FBN1: variants seen among roughly 807,000 people sequenced by gnomAD.
FBN1 encodes the protein fibrillin 1.
In FBN1, 29 loss-of-function variants were observed where a neutral mutation model predicts 365.1. The ratio of observed to expected loss-of-function variants is 0.08; its 90% CI spans 0.06 to 0.11. The LOEUF is 0.11. Ranked by LOEUF, FBN1 falls within the 10% of genes least tolerant of loss-of-function variation. FBN1 has a pLI of 1.00. For synonymous variants in FBN1, 1,210 were observed against 1,270.5 expected (o/e 0.95, Z 1.01); for missense variants, 2,476 against 3,703.2 (o/e 0.67, Z 8.60).
At chr15:48,468,633 T>A in intron 36 of FBN1, 99 bp from the exon 37 acceptor site, 1 of 1,267,532 alleles carries the variant, frequency 7.9e-7, no homozygotes, top group Non-Finnish European at 1.1e-6. Flanking sequence ...CAAACAAGAA[T>A]TTTAAAGCTA....
intron 23 of FBN1, 60 bp from the exon 24 acceptor site, chr15:48,492,646 C>A: frequency 7.8e-7 from 1 of 1,275,922 alleles, no homozygotes; most frequent in Non-Finnish European, 1.1e-6. Context: ...CTACCTTATT[C>A]TACTCATAGA....
chr15:48,595,743 A>T (rs1417612712), intron 6 of FBN1, among the ~76,000 whole-genome samples: 2 of 151,862 alleles, frequency 1.3e-5, no homozygotes, highest in Non-Finnish European at 2.9e-5. Context: ...ACACTCTAGC[A>T]GGCTGCGATG....
chr15:48,598,813 T>C (rs966710093), intron 5 of FBN1, among the ~76,000 whole-genome samples: 1 of 152,216 alleles, frequency 6.6e-6, no homozygotes, highest in African/African-American at 2.4e-5. Context: ...GTGATACAGT[T>C]TGGCTGTGTC....
In FBN1 at chr15:48,540,273, G is replaced by A. The variant is rs367585355; in HGVS notation, c.539-2465C>T. Among the ~76,000 whole-genome samples, 134 of 152,196 alleles carry A rather than the reference G, an allele frequency of 8.8e-4. 2 individuals are homozygous for A. In the East Asian group the frequency reaches 0.016, roughly 18 times the overall value. On this transcript the variant is annotated intron_variant, in intron 6 of 65. Transcript: ENST00000316623. ...AAAAGGCAGTAGCATATAAACAAAT[G>A]TAATTACACCTAAAGAAACCCTTGA... is the stretch of plus-strand genomic sequence containing the variant.
At chr15:48,566,189 G>A (rs952028363) in intron 6 of FBN1, among the ~76,000 whole-genome samples, 1 of 152,134 alleles carries the variant, frequency 6.6e-6, no homozygotes, top group Non-Finnish European at 1.5e-5. Flanking sequence ...AGCCCCTGGA[G>A]GTTTTGACAA....
At chr15:48,435,539 T>C (rs928485939) in intron 53 of FBN1, among the ~76,000 whole-genome samples, 1 of 151,802 alleles carries the variant, frequency 6.6e-6, no homozygotes, top group Admixed American at 6.6e-5. Flanking sequence ...TTCAAGTAGA[T>C]TGTGTTGATT....
intron 2 of FBN1, among the ~76,000 whole-genome samples, chr15:48,633,861 C>T (rs532253661): frequency 5.9e-5 from 9 of 152,292 alleles, no homozygotes; most frequent in Admixed American, 2.0e-4. Context: ...GGTCAGCTCT[C>T]GCTACCACGT....
chr15:48,610,824 T>C lies in FBN1; in HGVS notation c.250A>G (p.Ile84Val), dbSNP rs921420972. 2.5e-6 allele frequency: 4 copies of C among 1,613,410 alleles called. No individual in the cohort carries two copies. The change falls in exon 4 of 66, where the codon ATT becomes GTT. Residue 84 changes from isoleucine (I) to valine (V), a missense_variant and splice_region_variant. By Grantham distance (29) the Ile-to-Val change is conservative. Around this residue, in one of 5 missense-constraint regions of FBN1, gnomAD observed 22 missense variants for 64.1 expected, o/e 0.34. Coordinates refer to ENST00000316623, the MANE Select transcript of FBN1 (RefSeq NM_000138.5). ...LPGGNQCIVP[I>V]CRHSCGDGFC... ...CCATCCCCACAGGAATGCCGGCAAATGGCTGTGAATAAACCAGAGGTCTGT... is the reference window on the plus strand; with the variant it reads ...CCATCCCCACAGGAATGCCGGCAAACGGCTGTGAATAAACCAGAGGTCTGT...
intron 17 of FBN1, among the ~76,000 whole-genome samples, chr15:48,500,828 G>A (rs1257200943): frequency 1.3e-5 from 2 of 152,188 alleles, no homozygotes; most frequent in Admixed American, 1.3e-4. Flanking sequence ...AGCAACCAGT[G>A]AGAAACAGCT....
At chr15:48,500,508 G>A (rs1259754455) in intron 17 of FBN1, among the ~76,000 whole-genome samples, 1 of 152,136 alleles carries the variant, frequency 6.6e-6, no homozygotes, top group African/African-American at 2.4e-5. Context: ...CCTGGTGGCT[G>A]TACAGAATTA....
intron 6 of FBN1, among the ~76,000 whole-genome samples, chr15:48,578,071 T>C (rs533014788): frequency 6.6e-6 from 1 of 152,324 alleles, no homozygotes; most frequent in African/African-American, 2.4e-5. Flanking sequence ...TTGGCATATG[T>C]ATTTTTGGAC....
chr15:48,524,323 G>A (rs781049335), intron 9 of FBN1, among the ~76,000 whole-genome samples: 6 of 152,128 alleles, frequency 3.9e-5, no homozygotes, highest in South Asian at 2.1e-4. Flanking sequence ...AAATGTGCAC[G>A]GAAGATACTG....
At chr15:48,624,606 G>A (rs1597640490) in intron 2 of FBN1, among the ~76,000 whole-genome samples, 1 of 152,346 alleles carries the variant, frequency 6.6e-6, no homozygotes, top group Middle Eastern at 3.4e-3. Context: ...AGAGGATATG[G>A]CCAATGACAC....
chr15:48,604,130 A>T (rs2044588170), intron 4 of FBN1, among the ~76,000 whole-genome samples: 1 of 148,332 alleles, frequency 6.7e-6, no homozygotes, highest in African/African-American at 2.7e-5. Context: ...CAATGTGAGC[A>T]CGCTATGGGA....
chr15:48,622,916 C>T (rs1889796696), intron 2 of FBN1, among the ~76,000 whole-genome samples: 3 of 152,178 alleles, frequency 2.0e-5, no homozygotes, highest in South Asian at 2.1e-4. Context: ...CCTTAGTGTT[C>T]CCTGATGAAT....
intron 6 of FBN1, among the ~76,000 whole-genome samples, chr15:48,572,838 GTTAA>G (rs2044316460): frequency 6.6e-6 from 1 of 152,178 alleles, no homozygotes; most frequent in Non-Finnish European, 1.5e-5. Flanking sequence ...GTTGACATTT[GTTAA>G]TACCAGGTAG....
chr15:48,641,224 A>T (rs1890191099), intron 2 of FBN1: 1 of 152,158 alleles, frequency 6.6e-6, no homozygotes, highest in South Asian at 2.1e-4. Flanking sequence ...AAGAAAACAC[A>T]GCAGAAGCTG....
At chr15:48,499,487 T>C (rs1011056204) in intron 17 of FBN1, among the ~76,000 whole-genome samples, 3 of 152,192 alleles carry the variant, frequency 2.0e-5, no homozygotes, top group African/African-American at 7.2e-5. Context: ...TCTCTGCAAA[T>C]TCTCTAGCCT....
In FBN1 at chr15:48,600,238, GA is replaced by G. The variant is rs561135562; in HGVS notation, c.347-5del. 8.1e-6 allele frequency: 13 copies of G among 1,609,344 alleles called. No homozygotes were observed. Among genetic ancestry groups the G allele is most frequent in the Middle Eastern group, 3.3e-4 (2 of 6,044 alleles). Reference sequence around the variant, plus strand: ...CAGCGAATATTGCAGTGTTGTACTTGAAAAAAAAGAAGAAGAATTCACTTTT... The same window carrying G: ...CAGCGAATATTGCAGTGTTGTACTTGAAAAAAAGAAGAAGAATTCACTTTT... On this transcript the variant is annotated splice_polypyrimidine_tract_variant and splice_region_variant and intron_variant, in intron 4 of 65. Coordinates refer to ENST00000316623, the MANE Select transcript of FBN1 (RefSeq NM_000138.5).
Sources: allele counts gnomAD v4.1 joint callset (sites outside exome capture counted in the v4.1 genomes callset), GRCh38; gene constraint gnomAD v4.1.1; regional missense constraint gnomAD v4.1.1; transcripts MANE v1.5; gene names NCBI Gene and HGNC (gene_info 2026-07-23, HGNC 2026-07-21).